Variants in RANBP3L observed in about 807,000 individuals in gnomAD.
RANBP3L encodes the protein ran-binding protein 3-like.
Under a neutral mutation model 67.2 loss-of-function variants are expected in RANBP3L, and 56 were observed. That is an observed-to-expected ratio of 0.83 (90% CI 0.67 to 1.04). The LOEUF is 1.04. RANBP3L is among the 50% of genes least tolerant of loss of function. The pLI is 0.00. For synonymous variants in RANBP3L, 164 were observed against 181.4 expected, an observed-to-expected ratio of 0.90 and a Z score of 0.77; for missense variants, 496 against 535.5, an observed-to-expected ratio of 0.93 and a Z score of 0.73.
chr5:36,259,687 C>A (rs911171919), intron 8 of RANBP3L, among the ~76,000 whole-genome samples: 1 of 151,878 alleles, frequency 6.6e-6, no homozygotes, highest in Admixed American at 6.6e-5. Context: ...CTTTGGGATT[C>A]TTCATGTAAC....
chr5:36,262,651 C>T (rs1284988769), intron 6 of RANBP3L, among the ~76,000 whole-genome samples: 1 of 151,998 alleles, frequency 6.6e-6, no homozygotes, highest in Admixed American at 6.6e-5. Flanking sequence ...ATTCCTTCCT[C>T]GACCAGGAAT....
At chr5:36,250,347 T>C (rs1003242711) in intron 13 of RANBP3L, among the ~76,000 whole-genome samples, 18 of 152,160 alleles carry the variant, frequency 1.2e-4, no homozygotes, top group African/African-American at 4.1e-4. Context: ...TCACTTAGTT[T>C]TCTGAATCAC....
At chr5:36,261,850 AG>A in intron 7 of RANBP3L, 88 bp downstream of exon 7, 1 of 667,646 alleles carries the variant, frequency 1.5e-6, no homozygotes. Context: ...TATCCGTACA[AG>A]GTCAGAAAAT....
At chr5:36,285,001 A>G (rs918845138) in intron 1 of RANBP3L, among the ~76,000 whole-genome samples, 1 of 152,188 alleles carries the variant, frequency 6.6e-6, no homozygotes, top group African/African-American at 2.4e-5. Flanking sequence ...AGTGAGCATG[A>G]GTGAAAGCAG....
At chr5:36,271,052 G>T (rs1387263816) in intron 2 of RANBP3L, among the ~76,000 whole-genome samples, 1 of 152,136 alleles carries the variant, frequency 6.6e-6, no homozygotes, top group Non-Finnish European at 1.5e-5. Flanking sequence ...ATCCATAGCT[G>T]CAAGACAAGG....
At chr5:36,253,520 A>G in intron 12 of RANBP3L, 127 bp downstream of exon 12, 1 of 691,864 alleles carries the variant, frequency 1.4e-6, no homozygotes, top group South Asian at 1.9e-5. Context: ...CTATAAACAG[A>G]CATAATGAAT....
At position 36,257,534 on chromosome 5, in the gene RANBP3L, G is replaced by A. The variant is rs770741477; in HGVS notation, c.692C>T (p.Pro231Leu). The A allele has an allele frequency of 1.9e-6, 3 of 1,577,142 alleles. No homozygotes were observed. Among genetic ancestry groups the A allele is most frequent in the Non-Finnish European group, 2.6e-6 (3 of 1,155,998 alleles). Residue 231 changes from proline (P) to leucine (L), a missense_variant, in exon 9 of 14, where the codon CCT (proline) becomes CTT (leucine). By Grantham distance (98) the Pro-to-Leu change is moderately conservative. Transcript: ENST00000296604. The part of the protein sequence containing the change: ...RVLGTQKLTQ[P>L]QLENDSYAKE... Reference sequence around the variant, plus strand: ...GGCATATGAATCATTTTCAAGTTGAGGCTGGGTGAGTTTTTGAGTACCCTG... The same window carrying A: ...GGCATATGAATCATTTTCAAGTTGAAGCTGGGTGAGTTTTTGAGTACCCTG...
Position 36,255,455 on chromosome 5 carries a change from A to G in RANBP3L, c.1024+15T>C. 1 of 1,602,210 alleles carries G rather than the reference A, an allele frequency of 6.2e-7. No homozygotes were observed. The highest frequency in any genetic ancestry group is 1.1e-5 in the South Asian group (1 of 88,680). ...CCTGACAAATTATGGCTTGCTTTAC[A>G]AAAGGATTCCTTACTTAGTCTTGAC... On this transcript the variant is annotated intron_variant, in intron 11 of 13. Coordinates refer to ENST00000296604, the MANE Select transcript of RANBP3L (RefSeq NM_145000.5).
At chr5:36,292,974 C>G (rs1751913604) in intron 1 of RANBP3L, among the ~76,000 whole-genome samples, 1 of 138,352 alleles carries the variant, frequency 7.2e-6, no homozygotes, top group African/African-American at 2.7e-5. Context: ...GGCATTGAAT[C>G]TGTAAATTTC....
intron 6 of RANBP3L, among the ~76,000 whole-genome samples, chr5:36,263,434 A>T (rs2111786208): frequency 6.6e-6 from 1 of 152,320 alleles, no homozygotes; most frequent in African/African-American, 2.4e-5. Context: ...ATAACATGTA[A>T]TTAAAATCTT....
chr5:36,299,083 A>G (rs1752433400), intron 1 of RANBP3L, among the ~76,000 whole-genome samples: 1 of 152,074 alleles, frequency 6.6e-6, no homozygotes, highest in Admixed American at 6.6e-5. Context: ...CAAAGCAGGC[A>G]AAAAAACGTG....
At chr5:36,301,195 A>G (rs1752584368) in intron 1 of RANBP3L, 131 bp downstream of exon 1, 1 of 693,142 alleles carries the variant, frequency 1.4e-6, no homozygotes, top group Non-Finnish European at 2.6e-6. Flanking sequence ...AGTGAATCCA[A>G]GTTAACCCAC....
intron 8 of RANBP3L, among the ~76,000 whole-genome samples, chr5:36,257,806 A>C (rs1749100711): frequency 6.6e-6 from 1 of 152,068 alleles, no homozygotes. Flanking sequence ...CTAGTCCCGG[A>C]GGCAATGGGA....
intron 1 of RANBP3L, among the ~76,000 whole-genome samples, chr5:36,289,047 G>A (rs10039862): frequency 0.95 from 145,074 of 152,096 alleles, 69,483 homozygotes; most frequent in Non-Finnish European, 0.99. Context: ...TAGAAGCTTT[G>A]TATATCTAAC....
At chr5:36,265,412 T>C in intron 5 of RANBP3L, 37 bp downstream of exon 5, 8 of 1,352,096 alleles carry the variant, frequency 5.9e-6, no homozygotes, top group Non-Finnish European at 7.3e-6. Flanking sequence ...TGGTAAAATA[T>C]ACAATTTCTG....
In RANBP3L at chr5:36,249,451, T is replaced by A. The variant is rs1748448974; in HGVS notation, c.*203A>T. 2.4e-5 allele frequency: 8 copies of A among 339,212 alleles called. No homozygotes were observed. Among genetic ancestry groups the A allele is most frequent in the Non-Finnish European group, 4.3e-5 (8 of 186,172 alleles). The allele number at this position is 339,212 out of a possible 1,614,324, so 21.0% of individuals were successfully genotyped here. A position where few individuals can be genotyped will look rare whatever the true frequency, so the allele number is the denominator to read the frequency against. ...TTTGAACTTCTGAAGTCCATTTTTT[T>A]AAATTCTGTCAGTTTCTGCACAATA... On this transcript the variant is annotated 3_prime_UTR_variant, in exon 14 of 14. Coordinates refer to ENST00000296604, the MANE Select transcript of RANBP3L (RefSeq NM_145000.5).
chr5:36,301,286 A>C, intron 1 of RANBP3L, 40 bp downstream of exon 1: 1 of 1,437,980 alleles, frequency 7.0e-7, no homozygotes, highest in South Asian at 1.1e-5. Context: ...AATGCACAGA[A>C]GGTCACAGAA....
intron 1 of RANBP3L, among the ~76,000 whole-genome samples, chr5:36,279,033 C>T (rs1018700332): frequency 1.3e-5 from 2 of 151,956 alleles, no homozygotes; most frequent in South Asian, 2.1e-4. Context: ...AAATTTGAAA[C>T]ATCTGAAGTT....
At chr5:36,282,709 A>G (rs995656727) in intron 1 of RANBP3L, among the ~76,000 whole-genome samples, 4 of 152,186 alleles carry the variant, frequency 2.6e-5, no homozygotes, top group Non-Finnish European at 5.9e-5. Context: ...TTGGCAGTCT[A>G]TTCAGGAAGA....
Sources: gnomAD v4.1 joint callset for allele counts (sites outside exome capture counted in the v4.1 genomes callset) on GRCh38, gnomAD v4.1.1 for gene constraint, MANE v1.5 for transcripts, NCBI Gene and HGNC (gene_info 2026-07-23, HGNC 2026-07-21) for gene names.